The following UBAP2 variants were observed in gnomAD, a reference collection of about 807,000 sequenced individuals.
The protein encoded by UBAP2 is ubiquitin-associated protein 2.
UBAP2 carries 75 observed loss-of-function variants against 139.6 expected under a neutral mutation model. The ratio of observed to expected loss-of-function variants is 0.54; its 90% CI spans 0.45 to 0.65. The LOEUF (loss-of-function observed/expected upper bound fraction) is 0.65. Ranked by LOEUF, UBAP2 falls within the 30% of genes least tolerant of loss-of-function variation. UBAP2 has a pLI of 0.00. For synonymous variants in UBAP2, 526 were observed against 526.2 expected (o/e 1.00, Z 0.01); for missense variants, 1,368 against 1,369.6 (o/e 1.00, Z 0.02).
At chr9:34,028,512 T>C (rs1055290366) in intron 1 of UBAP2, among the ~76,000 whole-genome samples, 13 of 152,130 alleles carry the variant, frequency 8.5e-5, no homozygotes, top group African/African-American at 2.6e-4. Context: ...CCCAAGTAGC[T>C]GGGATTACAG....
chr9:34,017,803 T>C (rs1010352274), intron 1 of UBAP2, among the ~76,000 whole-genome samples: 1 of 152,056 alleles, frequency 6.6e-6, no homozygotes, highest in Non-Finnish European at 1.5e-5. Context: ...GGCAGGCATC[T>C]GTAGTCCCAG....
rs915825733 is a variant in UBAP2 at position 33,944,750 on chromosome 9, T to G, written c.1271-111A>C. On this transcript the variant is annotated intron_variant, in intron 13 of 28. Transcript: ENST00000379238. ...TTCTCCAAATCATTTCCAGTTGAAT[T>G]TCTTAGGTTTTACACACACTATGTG... is the stretch of plus-strand genomic sequence containing the variant. 21 of 1,311,584 alleles carry G rather than the reference T, an allele frequency of 1.6e-5. No individual in the cohort carries two copies. In the African/African-American group the frequency reaches 3.1e-4, roughly 19 times the overall value. The allele number at this position is 1,311,584 out of a possible 1,614,324, so 81.2% of individuals were successfully genotyped here. A position where few individuals can be genotyped will look rare whatever the true frequency, so the allele number is the denominator to read the frequency against.
chr9:33,923,723 G>A (rs1564013252), intron 24 of UBAP2, 72 bp downstream of exon 24: 1 of 1,490,432 alleles, frequency 6.7e-7, no homozygotes, highest in Non-Finnish European at 9.3e-7. Flanking sequence ...CCTGCTGGAA[G>A]ATAGGTCCCA....
At chr9:33,935,671 T>C in intron 17 of UBAP2, 168 bp downstream of exon 17, 2 of 731,188 alleles carry the variant, frequency 2.7e-6, no homozygotes, top group Non-Finnish European at 4.8e-6. Context: ...TTAAGACATT[T>C]CTAATAACAC....
chr9:33,982,577 C>T (rs1359094641), intron 6 of UBAP2, among the ~76,000 whole-genome samples: 8 of 152,086 alleles, frequency 5.3e-5, no homozygotes, highest in Admixed American at 1.3e-4. Context: ...TCCTATTCAC[C>T]GGTATATATA....
At chr9:33,992,424 G>T (rs2131161530) in intron 4 of UBAP2, among the ~76,000 whole-genome samples, 1 of 150,772 alleles carries the variant, frequency 6.6e-6, no homozygotes, top group Middle Eastern at 3.4e-3. Flanking sequence ...GCCAGGCGTG[G>T]TGGCACATGT....
intron 10 of UBAP2, among the ~76,000 whole-genome samples, chr9:33,958,706 C>CTCTT (rs1554683495): frequency 1.6e-5 from 2 of 122,766 alleles, no homozygotes; most frequent in African/African-American, 6.3e-5. Context: ...TGTGCCCGGC[C>CTCTT]TTTTTTTTTT....
At chr9:34,036,928 C>G (rs1826449353) in intron 1 of UBAP2, among the ~76,000 whole-genome samples, 1 of 150,892 alleles carries the variant, frequency 6.6e-6, no homozygotes, top group Admixed American at 6.6e-5. Context: ...GCAATTCTCC[C>G]GCCTCAGCCT....
At chr9:33,946,533 C>T (rs188244062) in intron 13 of UBAP2, among the ~76,000 whole-genome samples, 53 of 152,280 alleles carry the variant, frequency 3.5e-4, no homozygotes, top group African/African-American at 1.0e-3. Context: ...GAGGTTGGCC[C>T]TCTTTTTCTC....
intron 22 of UBAP2, among the ~76,000 whole-genome samples, chr9:33,925,424 G>C (rs1823344969): frequency 6.6e-6 from 1 of 152,126 alleles, no homozygotes; most frequent in Admixed American, 6.5e-5. Flanking sequence ...ACAACCCGAG[G>C]GATAGAAAGA....
intron 1 of UBAP2, among the ~76,000 whole-genome samples, chr9:34,033,739 CTTTT>C (rs761219914): frequency 7.1e-6 from 1 of 140,022 alleles, no homozygotes; most frequent in East Asian, 2.1e-4. Flanking sequence ...CAAATCAATT[CTTTT>C]TTTTTTTTTT....
chr9:33,942,727 C>CAA (rs544848249), intron 15 of UBAP2, among the ~76,000 whole-genome samples: 134 of 135,072 alleles, frequency 9.9e-4, no homozygotes, highest in Non-Finnish European at 1.4e-3. Context: ...GACCCTATCT[C>CAA]AAAAAAAAAA....
chr9:33,974,898 A>C, intron 6 of UBAP2, among the ~76,000 whole-genome samples: 1 of 116,674 alleles, frequency 8.6e-6, no homozygotes, highest in African/African-American at 3.3e-5. Context: ...AACTTGCGTC[A>C]CTGTTCTCCA....
chr9:34,036,693 T>C (rs146365437), intron 1 of UBAP2, among the ~76,000 whole-genome samples: 305 of 152,180 alleles, frequency 2.0e-3, no homozygotes, highest in Non-Finnish European at 2.8e-3. Flanking sequence ...TGAACACCTA[T>C]AGAGTAGCAT....
At chr9:33,926,769 G>C in intron 21 of UBAP2, 105 bp from the exon 22 acceptor site, 1 of 1,227,106 alleles carries the variant, frequency 8.1e-7, no homozygotes, top group African/African-American at 1.5e-5. Context: ...TAACACACCC[G>C]GGAATGGGAT....
At chr9:33,944,780 A>C (rs973432334) in intron 13 of UBAP2, 141 bp from the exon 14 acceptor site, 2 of 973,488 alleles carry the variant, frequency 2.1e-6, no homozygotes, top group Non-Finnish European at 3.0e-6. Flanking sequence ...TATGTGTAAC[A>C]CTTCATTTAT....
At chr9:33,947,526 T>A (rs1825738750) in intron 13 of UBAP2, among the ~76,000 whole-genome samples, 1 of 152,048 alleles carries the variant, frequency 6.6e-6, no homozygotes, top group Non-Finnish European at 1.5e-5. Flanking sequence ...GTGTGATAGT[T>A]AAAATACTGT....
intron 2 of UBAP2, among the ~76,000 whole-genome samples, chr9:34,014,343 A>G (rs868117587): frequency 6.7e-6 from 1 of 149,740 alleles, no homozygotes; most frequent in African/African-American, 2.5e-5. Context: ...AAAAAAAAAA[A>G]AAAAAGGTCA....
At chr9:33,978,015 T>TA (rs1820305507) in intron 6 of UBAP2, among the ~76,000 whole-genome samples, 2 of 134,330 alleles carry the variant, frequency 1.5e-5, no homozygotes, top group African/African-American at 5.3e-5. Flanking sequence ...ACTCTGTCTT[T>TA]TAAAAAAAAA....
Sources: allele counts gnomAD v4.1 joint callset (sites outside exome capture counted in the v4.1 genomes callset), GRCh38; gene constraint gnomAD v4.1.1; transcripts MANE v1.5; gene names NCBI Gene and HGNC (gene_info 2026-07-23, HGNC 2026-07-21).